Variants in CLYBL observed in about 807,000 individuals in gnomAD.
CLYBL encodes citramalyl-CoA lyase, mitochondrial.
A neutral mutation model predicts 38.9 loss-of-function variants in CLYBL; 31 were observed. The ratio of observed to expected loss-of-function variants is 0.80; its 90% CI spans 0.60 to 1.08. The LOEUF is 1.08. Ranked by LOEUF, CLYBL falls within the 50% of genes least tolerant of loss-of-function variation. The pLI, the probability that CLYBL is intolerant of heterozygous loss-of-function variation, is 0.00. For synonymous variants in CLYBL, 171 were observed against 158.6 expected (o/e 1.08, Z -0.59); for missense variants, 434 against 411.6 (o/e 1.05, Z -0.47).
intron 1 of CLYBL, among the ~76,000 whole-genome samples, chr13:99,688,189 C>T (rs148062149): frequency 1.9e-3 from 290 of 152,194 alleles, no homozygotes; most frequent in Non-Finnish European, 2.2e-3. Flanking sequence ...TTTTTTGCTA[C>T]TCTGTTTCAG....
chr13:99,764,216 C>T (rs1447574154), intron 1 of CLYBL, among the ~76,000 whole-genome samples: 2 of 152,056 alleles, frequency 1.3e-5, no homozygotes, highest in Middle Eastern at 6.8e-3. Context: ...TACCACCATG[C>T]CTGGCTAATT....
chr13:99,872,461 C>T (rs1398089846), intron 7 of CLYBL, among the ~76,000 whole-genome samples: 1 of 152,180 alleles, frequency 6.6e-6, no homozygotes, highest in Non-Finnish European at 1.5e-5. Context: ...CGAAGAGCCA[C>T]GGACTCTCAT....
chr13:99,888,002 C>A (rs2052393516), intron 7 of CLYBL, among the ~76,000 whole-genome samples: 1 of 152,076 alleles, frequency 6.6e-6, no homozygotes, highest in Non-Finnish European at 1.5e-5. Flanking sequence ...ATTACAGGCA[C>A]CCACGACCAT....
intron 1 of CLYBL, among the ~76,000 whole-genome samples, chr13:99,749,552 G>T (rs192109707): frequency 1.3e-5 from 2 of 152,286 alleles, no homozygotes; most frequent in East Asian, 3.9e-4. Flanking sequence ...GCAAAGCCAT[G>T]GTGGACCACA....
chr13:99,757,041 C>T (rs924038931), intron 1 of CLYBL, among the ~76,000 whole-genome samples: 20 of 152,080 alleles, frequency 1.3e-4, no homozygotes, highest in African/African-American at 4.6e-4. Flanking sequence ...GGACCATAAG[C>T]TTGCACCACC....
At chr13:99,716,323 A>T (rs2048313288) in intron 1 of CLYBL, among the ~76,000 whole-genome samples, 1 of 147,530 alleles carries the variant, frequency 6.8e-6, no homozygotes, top group South Asian at 2.1e-4. Flanking sequence ...GTCATTTTTC[A>T]GTTTGCTGAA....
chr13:99,879,482 T>C (rs1463818501), intron 7 of CLYBL, among the ~76,000 whole-genome samples: 1 of 152,244 alleles, frequency 6.6e-6, no homozygotes, highest in Non-Finnish European at 1.5e-5. Flanking sequence ...AGCCAAGCTC[T>C]GGACTTCAGA....
In CLYBL at chr13:99,627,044, G is replaced by GA. The variant is rs528086207; in HGVS notation, c.62+20294dup. Among the ~76,000 whole-genome samples the GA allele has an allele frequency of 1.2e-3, 176 of 151,206 alleles. 1 individual carries two copies. Among genetic ancestry groups the GA allele is most frequent in the South Asian group, 2.5e-3 (12 of 4,776 alleles). On this transcript the variant is annotated intron_variant, in intron 1 of 8. Coordinates refer to ENST00000339105, the MANE Select transcript of CLYBL (RefSeq NM_206808.5). ...TGTTTGGGCTGGTGCTTTTGAATCT[G>GA]AAAAAAAGTGCATAAAAATATGCCA...
At chr13:99,906,994 AT>A (rs2052704495) in intron 9 of CLYBL, among the ~76,000 whole-genome samples, 1 of 152,230 alleles carries the variant, frequency 6.6e-6, no homozygotes, top group African/African-American at 2.4e-5. Context: ...AAAAAGCCTC[AT>A]TGGCAAATAC....
intron 7 of CLYBL, among the ~76,000 whole-genome samples, chr13:99,882,012 A>G (rs2052223263): frequency 6.6e-6 from 1 of 152,230 alleles, no homozygotes; most frequent in Non-Finnish European, 1.5e-5. Context: ...GCTTATCTGC[A>G]CATTATCTGT....
Position 99,790,692 on chromosome 13 carries a change from C to A in CLYBL, c.249+17682C>A, listed in dbSNP as rs114953797. ...TGTTCAGAAGCATCCAGTATTCTAT[C>A]GGTTCATTTCTTGGAGAAGTCTCTC... On this transcript the variant is annotated intron_variant, in intron 2 of 8. Coordinates refer to ENST00000339105, the MANE Select transcript of CLYBL (RefSeq NM_206808.5). Among the ~76,000 whole-genome samples, 289 of 152,260 alleles carry A rather than the reference C, an allele frequency of 1.9e-3. 1 individual carries two copies. The highest frequency in any genetic ancestry group is 6.6e-3 in the African/African-American group (274 of 41,550).
At chr13:99,871,200 C>T (rs1341147510) in intron 7 of CLYBL, 138 bp downstream of exon 7, 6 of 970,508 alleles carry the variant, frequency 6.2e-6, no homozygotes, top group South Asian at 1.5e-5. Context: ...ACACAACATT[C>T]ACCAGTGAGA....
chr13:99,672,346 A>G (rs2047578500), intron 1 of CLYBL, among the ~76,000 whole-genome samples: 1 of 152,046 alleles, frequency 6.6e-6, no homozygotes, highest in Non-Finnish European at 1.5e-5. Context: ...AGCTGAGACA[A>G]CAGGCATGCA....
rs771055861 is a variant in CLYBL, at chr13:99,772,864, A to G, written c.103A>G (p.Ser35Gly). Reference protein sequence around the residue: ...LAADIPRLGYSSSSHHKYIPR... With the variant: ...LAADIPRLGYGSSSHHKYIPR... ...AGCTGATATCCCCAGACTTGGATAT[A>G]GTTCCTCATCCCATCACAAGTACAT... Residue 35 changes from serine (S) to glycine (G), a missense_variant, in exon 2 of 9, where the codon AGT (serine) becomes GGT (glycine). Transcript: ENST00000339105. The G allele has an allele frequency of 6.2e-7, 1 of 1,611,008 alleles. No individual in the cohort carries two copies. The highest frequency in any genetic ancestry group is 8.5e-7 in the Non-Finnish European group (1 of 1,179,390).
Position 99,885,162 on chromosome 13 carries a change from A to G in CLYBL, c.928-6156A>G, listed in dbSNP as rs78581458. 1.6e-3 allele frequency: 798 copies of G among 501,636 alleles called. 9 individuals carry two copies. In the Middle Eastern group the frequency reaches 0.034, roughly 21 times the overall value. The allele number at this position is 501,636 out of a possible 1,614,324, so 31.1% of individuals were successfully genotyped here. A position where few individuals can be genotyped will look rare whatever the true frequency, so the allele number is the denominator to read the frequency against. On this transcript the variant is annotated intron_variant, in intron 7 of 8. Coordinates refer to ENST00000339105, the MANE Select transcript of CLYBL (RefSeq NM_206808.5). The stretch of plus-strand genomic sequence containing the variant: ...CCTCACAGTGTTGTGAAAGACAGCA[A>G]TGTAAACAAATACTCTCACTAGATG...
intron 2 of CLYBL, among the ~76,000 whole-genome samples, chr13:99,846,705 A>T (rs2051214332): frequency 6.6e-6 from 1 of 152,214 alleles, no homozygotes; most frequent in Admixed American, 6.5e-5. Flanking sequence ...TTTAGTTGCA[A>T]GGCTATGTGT....
intron 1 of CLYBL, among the ~76,000 whole-genome samples, chr13:99,689,625 A>G (rs1283074220): frequency 5.9e-5 from 9 of 152,202 alleles, no homozygotes; most frequent in Non-Finnish European, 2.9e-5. Flanking sequence ...CAACTTGAGC[A>G]ATTGCAAGTA....
intron 1 of CLYBL, among the ~76,000 whole-genome samples, chr13:99,745,353 T>TA (rs975901123): frequency 2.0e-5 from 3 of 152,208 alleles, no homozygotes; most frequent in African/African-American, 7.2e-5. Context: ...GGAAACTAAG[T>TA]AACTGTGTAT....
At chr13:99,740,730 G>C (rs757380826) in intron 1 of CLYBL, among the ~76,000 whole-genome samples, 12 of 152,100 alleles carry the variant, frequency 7.9e-5, no homozygotes, top group Non-Finnish European at 1.2e-4. Context: ...TGGCTGCTTG[G>C]GACACAGATT....
Sources: gnomAD v4.1 joint callset for allele counts (sites outside exome capture counted in the v4.1 genomes callset) on GRCh38, gnomAD v4.1.1 for gene constraint, MANE v1.5 for transcripts, NCBI Gene and HGNC (gene_info 2026-07-23, HGNC 2026-07-21) for gene names.